RANBP2: variants seen among roughly 807,000 people sequenced by gnomAD.
The protein encoded by RANBP2 is RAN binding protein 2, also known as E3 SUMO-protein ligase RanBP2.
RANBP2 carries 57 observed loss-of-function variants against 303.6 expected under a neutral mutation model. The ratio of observed to expected loss-of-function variants is 0.19; its 90% CI spans 0.15 to 0.23. The LOEUF is 0.23. Among genes scored for constraint, RANBP2 ranks in the 10% least tolerant of loss-of-function variants. The pLI is 1.00. For synonymous variants in RANBP2, 1,167 were observed against 1,301.5 expected, an observed-to-expected ratio of 0.90 and a Z score of 2.23; for missense variants, 3,138 against 3,780.8, an observed-to-expected ratio of 0.83 and a Z score of 4.46.
intron 25 of RANBP2, among the ~76,000 whole-genome samples, chr2:108,777,869 T>C (rs1677995622): frequency 6.6e-6 from 1 of 152,192 alleles, no homozygotes; most frequent in African/African-American, 2.4e-5. Flanking sequence ...GTTTGATTTA[T>C]GGAATACATT....
chr2:109,018,150 G>A, the RANBP2 span, among the ~76,000 whole-genome samples: 6 of 152,166 alleles, frequency 3.9e-5, no homozygotes, highest in Non-Finnish European at 8.8e-5. Context: ...GGCAGGTTAG[G>A]CCATCCTATC....
chr2:108,887,616 A>G, the RANBP2 span, among the ~76,000 whole-genome samples: 1 of 151,868 alleles, frequency 6.6e-6, no homozygotes, highest in East Asian at 1.9e-4. Flanking sequence ...ATTCCTAGGT[A>G]TTTTATTTTA....
At position 108,765,843 on chromosome 2, in the gene RANBP2, C is replaced by T; in HGVS notation, c.5304C>T (p.Ser1768=). The change falls in exon 20 of 29, where the codon AGC becomes AGT. Residue 1768 remains serine, a synonymous_variant. Transcript: ENST00000283195. ...AISTPASSEI[S]KAPKSGFEGM... ...CAACACCTGCCTCTTCGGAGATAAGCAAGGCTCCAAAGAGTGGATTTGAAG... is the reference window on the plus strand; with the variant it reads ...CAACACCTGCCTCTTCGGAGATAAGTAAGGCTCCAAAGAGTGGATTTGAAG... 6.2e-7 allele frequency: 1 copy of T among 1,614,116 alleles called. No homozygotes were observed.
chr2:109,638,103 ATGACTGTACT>A, the RANBP2 span, among the ~76,000 whole-genome samples: 2 of 152,224 alleles, frequency 1.3e-5, no homozygotes, highest in Non-Finnish European at 2.9e-5. Flanking sequence ...ATGACTGTAC[ATGACTGTACT>A]TTCAAAATAC....
At chr2:109,709,905 T>G in the RANBP2 span, among the ~76,000 whole-genome samples, 10 of 150,954 alleles carry the variant, frequency 6.6e-5, no homozygotes, top group Non-Finnish European at 1.2e-4. Flanking sequence ...CTGACCTACA[T>G]GGTGAAACCC....
At chr2:109,549,171 A>G in the RANBP2 span, among the ~76,000 whole-genome samples, 1 of 152,222 alleles carries the variant, frequency 6.6e-6, no homozygotes, top group African/African-American at 2.4e-5. Flanking sequence ...AAAGAGTGGC[A>G]GTTCTCTGCA....
the RANBP2 span, among the ~76,000 whole-genome samples, chr2:109,150,008 T>A: frequency 2.6e-5 from 4 of 152,202 alleles, no homozygotes; most frequent in Non-Finnish European, 4.4e-5. Context: ...CTGATGTCTG[T>A]CTCAGCCCAG....
At chr2:108,841,627 A>G in the RANBP2 span, among the ~76,000 whole-genome samples, 1 of 152,166 alleles carries the variant, frequency 6.6e-6, no homozygotes, top group East Asian at 1.9e-4. Context: ...TGACCTGCTT[A>G]TATCTAGAAT....
chr2:109,371,991 C>T, the RANBP2 span, among the ~76,000 whole-genome samples: 3 of 152,288 alleles, frequency 2.0e-5, no homozygotes, highest in South Asian at 6.2e-4. Flanking sequence ...GCGCCTGGCA[C>T]CCATGCTTCT....
At chr2:109,197,563 G>T in the RANBP2 span, among the ~76,000 whole-genome samples, 1 of 152,238 alleles carries the variant, frequency 6.6e-6, no homozygotes, top group African/African-American at 2.4e-5. Flanking sequence ...TGGCCGGGGA[G>T]GGGTGGGAGG....
the RANBP2 span, among the ~76,000 whole-genome samples, chr2:109,014,385 G>C: frequency 2.2e-3 from 339 of 152,322 alleles, 1 homozygote; most frequent in African/African-American, 7.9e-3. Flanking sequence ...CCTGTAGTTT[G>C]CATTCTTCTT....
the RANBP2 span, among the ~76,000 whole-genome samples, chr2:109,451,520 G>A: frequency 6.6e-6 from 1 of 152,178 alleles, no homozygotes; most frequent in African/African-American, 2.4e-5. Flanking sequence ...ATTGCTGAGT[G>A]GGTTTCTATG....
the RANBP2 span, among the ~76,000 whole-genome samples, chr2:109,532,470 A>G: frequency 6.6e-6 from 1 of 152,250 alleles, no homozygotes; most frequent in East Asian, 1.9e-4. Flanking sequence ...GGGGCCTAGA[A>G]GCCCTGTGCG....
the RANBP2 span, among the ~76,000 whole-genome samples, chr2:109,134,500 G>T: frequency 6.6e-6 from 1 of 152,198 alleles, no homozygotes; most frequent in African/African-American, 2.4e-5. Flanking sequence ...TATTTATTGA[G>T]CACCCAGTGG....
chr2:108,839,172 A>G, the RANBP2 span: 28 of 1,594,590 alleles, frequency 1.8e-5, no homozygotes, highest in Non-Finnish European at 2.4e-5. Flanking sequence ...ATTTTCCATC[A>G]TTTTATCTTT....
the RANBP2 span, among the ~76,000 whole-genome samples, chr2:109,327,029 C>A: frequency 6.6e-6 from 1 of 152,112 alleles, no homozygotes; most frequent in Non-Finnish European, 1.5e-5. Context: ...CTTTTTCCTT[C>A]GTATTTAATG....
At chr2:109,667,715 C>A in the RANBP2 span, 1 of 170,764 alleles carries the variant, frequency 5.9e-6, no homozygotes, top group African/African-American at 2.4e-5. Context: ...GCTGACATGC[C>A]TGGATGGGAG....
chr2:108,809,448 TTGTGTG>T, the RANBP2 span, among the ~76,000 whole-genome samples: 6,460 of 141,096 alleles, frequency 0.046, 333 homozygotes, highest in African/African-American at 0.13. Flanking sequence ...ACATGAAATG[TTGTGTG>T]TGTGTGTGTG....
the RANBP2 span, among the ~76,000 whole-genome samples, chr2:109,001,879 G>A: frequency 1.3e-5 from 2 of 150,944 alleles, no homozygotes; most frequent in African/African-American, 4.9e-5. Flanking sequence ...ATAGGCGCCC[G>A]CCACCACGCC....
Sources: gnomAD v4.1 joint callset for allele counts (sites outside exome capture counted in the v4.1 genomes callset) on GRCh38, gnomAD v4.1.1 for gene constraint, MANE v1.5 for transcripts, NCBI Gene and HGNC (gene_info 2026-07-23, HGNC 2026-07-21) for gene names.